ZFAND2A: variants seen among roughly 807,000 people sequenced by gnomAD.
ZFAND2A encodes zinc finger AN1-type containing 2A.
ZFAND2A carries 20 observed loss-of-function variants against 11.6 expected under a neutral mutation model. That is an observed-to-expected ratio of 1.72 (90% confidence interval 1.21 to 2.50). The LOEUF is 2.50. Among genes scored for constraint, ZFAND2A ranks in the 30% most tolerant of loss-of-function variants. The probability of loss-of-function intolerance (pLI) is 0.00; values close to 1 mark genes in which losing one functional copy is unlikely to be tolerated. For missense variants in ZFAND2A, 234 were observed against 182.9 expected (o/e 1.28, Z -1.61); for synonymous variants, 93 against 60.6 (o/e 1.54, Z -2.48).
chr7:1,156,582 G>T (rs1349922092), intron 3 of ZFAND2A, among the ~76,000 whole-genome samples: 3 of 151,464 alleles, frequency 2.0e-5, no homozygotes, highest in Non-Finnish European at 4.4e-5. Context: ...CCTGAGCTGG[G>T]GGCTCCGAAG....
intron 1 of ZFAND2A, among the ~76,000 whole-genome samples, chr7:1,159,058 G>A (rs1008425975): frequency 2.6e-5 from 4 of 151,900 alleles, no homozygotes; most frequent in South Asian, 2.1e-4. Flanking sequence ...ATCCCCTCCC[G>A]CCTCAGTTTA....
chr7:1,149,991 T>C (rs1241844199), downstream of ZFAND2A, among the ~76,000 whole-genome samples: 1 of 152,076 alleles, frequency 6.6e-6, no homozygotes, highest in Non-Finnish European at 1.5e-5. Flanking sequence ...TAGCTGGGAT[T>C]ACAGGCATGC....
At chr7:1,159,648 G>A (rs1236970856) in intron 1 of ZFAND2A, among the ~76,000 whole-genome samples, 1 of 51,854 alleles carries the variant, frequency 1.9e-5, no homozygotes, top group East Asian at 3.2e-4. Context: ...ACCCCGGCAG[G>A]CCCGGTCCCC....
At chr7:1,156,051 C>T (rs1793518895) in intron 3 of ZFAND2A, among the ~76,000 whole-genome samples, 1 of 152,266 alleles carries the variant, frequency 6.6e-6, no homozygotes, top group Admixed American at 6.5e-5. Context: ...GGTGAGCTCC[C>T]AGGTACTAAC....
At chr7:1,154,876 T>G (rs1377571046) in intron 4 of ZFAND2A, among the ~76,000 whole-genome samples, 1 of 152,072 alleles carries the variant, frequency 6.6e-6, no homozygotes, top group East Asian at 1.9e-4. Flanking sequence ...TCTCAGCACT[T>G]TGGGAGGCTG....
chr7:1,149,784 G>A (rs761458173), downstream of ZFAND2A, among the ~76,000 whole-genome samples: 3 of 152,154 alleles, frequency 2.0e-5, no homozygotes, highest in South Asian at 4.1e-4. Flanking sequence ...GGCGTGGTGC[G>A]GTCCAGCTTG....
At chr7:1,159,219 C>T (rs2128259377) in intron 1 of ZFAND2A, among the ~76,000 whole-genome samples, 1 of 152,344 alleles carries the variant, frequency 6.6e-6, no homozygotes, top group South Asian at 2.1e-4. Context: ...ACACAGCAGG[C>T]GTTCCGAAAT....
At chr7:1,159,161 C>T (rs1056378917) in intron 1 of ZFAND2A, among the ~76,000 whole-genome samples, 16 of 152,248 alleles carry the variant, frequency 1.1e-4, no homozygotes, top group African/African-American at 3.4e-4. Context: ...TCGCCCACAG[C>T]TTCCAACTAC....
chr7:1,157,060 T>G (rs1793544050), intron 3 of ZFAND2A: 1 of 152,230 alleles, frequency 6.6e-6, no homozygotes, highest in Non-Finnish European at 1.5e-5. Flanking sequence ...TAAAATGACC[T>G]GTGACCCATC....
rs563868442 is a variant in ZFAND2A at position 1,153,695 on chromosome 7, A to C, written c.283-471T>G. On this transcript the variant is annotated intron_variant, in intron 4 of 4. Transcript: ENST00000316495. ...CCCAGTGGCTCACGCCTGTCATCCC[A>C]GCACTTTGGGAAGCCAAGATGGGTG... Among the ~76,000 whole-genome samples the C allele has an allele frequency of 1.6e-3, 238 of 152,336 alleles. 1 individual carries two copies. Among genetic ancestry groups the C allele is most frequent in the Non-Finnish European group, 2.6e-3 (178 of 68,028 alleles).
chr7:1,158,116 A>G (rs1793574956), intron 2 of ZFAND2A, 42 bp downstream of exon 2: 2 of 1,596,798 alleles, frequency 1.3e-6, no homozygotes, highest in African/African-American at 1.3e-5. Context: ...GCTTTCCCCC[A>G]ACAAAATACC....
chr7:1,152,007 T>TG, downstream of ZFAND2A: 1 of 423,066 alleles, frequency 2.4e-6, no homozygotes, highest in Non-Finnish European at 4.2e-6. Context: ...CAGAGGATCT[T>TG]GGAGGGCAGA....
rs1793580405 is a variant in ZFAND2A, at chr7:1,158,266, G to GA, written c.-45-10dup. On this transcript the variant is annotated splice_polypyrimidine_tract_variant and intron_variant, in intron 1 of 4. Coordinates refer to ENST00000316495, the MANE Select transcript of ZFAND2A (RefSeq NM_182491.4). ...GCGGAGTTAAGTGTCACCTACAAGA[G>GA]AATCAGAATAGTTAGGAGGAAAGCT... The GA allele has an allele frequency of 1.2e-5, 18 of 1,538,760 alleles. No homozygotes were observed. Among genetic ancestry groups the GA allele is most frequent in the Non-Finnish European group, 1.6e-5 (18 of 1,114,584 alleles).
At position 1,158,143 on chromosome 7, in the gene ZFAND2A, C is replaced by T. The variant is rs377419687; in HGVS notation, c.55+15G>A. 1.2e-6 allele frequency: 2 copies of T among 1,612,652 alleles called. No homozygotes were observed. The highest frequency in any genetic ancestry group is 1.3e-5 in the African/African-American group (1 of 75,028). ...CAAAATACCATTTTCTATTAAGTCTCTTAAAAGTACTCACCTAGCTGCTTG... is the reference window on the plus strand; with the variant it reads ...CAAAATACCATTTTCTATTAAGTCTTTTAAAAGTACTCACCTAGCTGCTTG... On this transcript the variant is annotated intron_variant, in intron 2 of 4. Transcript: ENST00000316495.
At chr7:1,159,309 G>A (rs546075193) in intron 1 of ZFAND2A, among the ~76,000 whole-genome samples, 1 of 152,318 alleles carries the variant, frequency 6.6e-6, no homozygotes, top group East Asian at 1.9e-4. Flanking sequence ...CCCGTCCTAG[G>A]AAACCAACAC....
At chr7:1,158,007 G>A in intron 2 of ZFAND2A, 151 bp downstream of exon 2, 1 of 835,194 alleles carries the variant, frequency 1.2e-6, no homozygotes, top group Non-Finnish European at 1.9e-6. Context: ...GCCTCTGGTG[G>A]ATGCTAAGTG....
chr7:1,153,134 G>A lies in ZFAND2A; in HGVS notation c.373C>T (p.Gln125Ter). 1.2e-6 allele frequency: 2 copies of A among 1,614,194 alleles called. No homozygotes were observed. The highest frequency in any genetic ancestry group is 1.7e-6 in the Non-Finnish European group (2 of 1,180,050). Reference sequence around the variant, plus strand: ...CTGTGGTCCAAAGGGTGTCTGTGCTGGATACAGAAGTTGCCGTGACATTGG... The same window carrying A: ...CTGTGGTCCAAAGGGTGTCTGTGCTAGATACAGAAGTTGCCGTGACATTGG... ...CAQCHGNFCI[Q>*]HRHPLDHSCR... The change falls in exon 5 of 5, where the codon CAG becomes TAG. Residue 125 changes from glutamine to a stop codon, truncating the protein, a stop_gained. Transcript: ENST00000316495. LOFTEE classifies it low-confidence loss of function (END_TRUNC).
chr7:1,150,758 A>T (rs1034781773), downstream of ZFAND2A, among the ~76,000 whole-genome samples: 1 of 152,110 alleles, frequency 6.6e-6, no homozygotes, highest in Non-Finnish European at 1.5e-5. Context: ...TCACTTCTGG[A>T]AGTTTCCACT....
intron 1 of ZFAND2A, among the ~76,000 whole-genome samples, chr7:1,158,930 C>T (rs1353268908): frequency 6.6e-6 from 1 of 152,118 alleles, no homozygotes; most frequent in East Asian, 1.9e-4. Flanking sequence ...ATCTAGTACT[C>T]ACCAGCCCCT....
Sources: allele counts gnomAD v4.1 joint callset (sites outside exome capture counted in the v4.1 genomes callset), GRCh38; gene constraint gnomAD v4.1.1; transcripts MANE v1.5; gene names NCBI Gene and HGNC (gene_info 2026-07-23, HGNC 2026-07-21).